Variants in WRN observed in about 807,000 individuals in gnomAD.
WRN encodes WRN RecQ like helicase.
In WRN, 149 loss-of-function variants were observed where a neutral mutation model predicts 180.7. The ratio of observed to expected loss-of-function variants is 0.82; its 90% confidence interval spans 0.72 to 0.94. The LOEUF (loss-of-function observed/expected upper bound fraction) is 0.94. WRN is among the 40% of genes least tolerant of loss of function. The pLI is 0.00. For synonymous variants in WRN, 548 were observed against 568.9 expected, an observed-to-expected ratio of 0.96 and a Z score of 0.52; for missense variants, 1,661 against 1,700.1, an observed-to-expected ratio of 0.98 and a Z score of 0.40.
At chr8:31,122,548 G>A (rs78525392) in intron 21 of WRN, among the ~76,000 whole-genome samples, 2,255 of 151,996 alleles carry the variant, frequency 0.015, 60 homozygotes, top group African/African-American at 0.05. Context: ...CAAAGTTATT[G>A]TAATCTTTTT....
chr8:31,048,759 T>C (rs1811968968), intron 1 of WRN, among the ~76,000 whole-genome samples: 1 of 152,220 alleles, frequency 6.6e-6, no homozygotes, highest in Admixed American at 6.5e-5. Context: ...AAGATTCTAA[T>C]GAAAATTAGG....
At chr8:31,129,865 C>T (rs887813633) in intron 23 of WRN, among the ~76,000 whole-genome samples, 80 of 151,688 alleles carry the variant, frequency 5.3e-4, no homozygotes, top group African/African-American at 1.6e-3. Context: ...ATCAGCTGGG[C>T]GTGGTGGCAC....
intron 14 of WRN, 25 bp from the exon 15 acceptor site, chr8:31,090,808 TA>T: frequency 3.2e-6 from 5 of 1,551,178 alleles, no homozygotes; most frequent in Non-Finnish European, 4.4e-6. Context: ...TTTTTCATTT[TA>T]TTTTTATATT....
At position 31,141,482 on chromosome 8, in the gene WRN, G is replaced by T; in HGVS notation, c.3020G>T (p.Gly1007Val). 1 of 1,614,106 alleles carries T rather than the reference G, an allele frequency of 6.2e-7. No individual in the cohort carries two copies. The change falls in exon 25 of 35, where the codon GGC becomes GTC. Residue 1007 changes from glycine to valine, a missense_variant. Around this residue, in one of 3 missense-constraint regions of WRN, gnomAD observed 1,141 missense variants for 1,149.4 expected, o/e 0.99. Coordinates refer to ENST00000298139, the MANE Select transcript of WRN (RefSeq NM_000553.6). ...CGCAGGCACAGTTTATTTGGCACTGGCAAGGATCAAACAGAGAGTTGGTGG... is the reference window on the plus strand; with the variant it reads ...CGCAGGCACAGTTTATTTGGCACTGTCAAGGATCAAACAGAGAGTTGGTGG... ...QYRRHSLFGTGKDQTESWWKA... is the reference protein window; with the variant it reads ...QYRRHSLFGTVKDQTESWWKA...
rs1813526732 is a variant in WRN at position 31,086,254 on chromosome 8, C to A, written c.1431+1008C>A. On this transcript the variant is annotated intron_variant, in intron 11 of 34. Coordinates refer to ENST00000298139, the MANE Select transcript of WRN (RefSeq NM_000553.6). ...TTTATTGACTTTTTTAGTTTTGAGG[C>A]CAAGTAATGAGTAGTGAGTAAGAAT... is the stretch of plus-strand genomic sequence containing the variant. Among the ~76,000 whole-genome samples, 4 of 151,632 alleles carry A rather than the reference C, an allele frequency of 2.6e-5. No homozygotes were observed. The East Asian group carries it at 7.7e-4, about 29-fold the overall frequency.
chr8:31,120,097 G>C (rs1801665187), intron 20 of WRN, 146 bp from the exon 21 acceptor site: 1 of 911,150 alleles, frequency 1.1e-6, no homozygotes, highest in Non-Finnish European at 1.7e-6. Context: ...CAGATAATCT[G>C]TAAATGATTG....
chr8:31,059,002 A>T, intron 2 of WRN, 151 bp from the exon 3 acceptor site: 2 of 695,006 alleles, frequency 2.9e-6, no homozygotes, highest in Admixed American at 2.3e-5. Context: ...TTTCTTTGTT[A>T]AGTTTTCTTT....
At chr8:31,037,012 G>A (rs759413299) in intron 1 of WRN, among the ~76,000 whole-genome samples, 11 of 152,176 alleles carry the variant, frequency 7.2e-5, no homozygotes, top group Non-Finnish European at 1.0e-4. Context: ...GGAGGGGATG[G>A]TTTCAGGATA....
chr8:31,108,475 T>A lies in WRN; in HGVS notation c.2089-3140T>A, dbSNP rs3213199. ...ATCATTAATTTTTATTTATTTATTTTTTTTTCCAGTTTTGGAATTCTTATT... is the reference window on the plus strand; with the variant it reads ...ATCATTAATTTTTATTTATTTATTTATTTTTCCAGTTTTGGAATTCTTATT... On this transcript the variant is annotated intron_variant, in intron 18 of 34. Transcript: ENST00000298139. 0.13 allele frequency among the ~76,000 whole-genome samples: 19,214 copies of A among 151,670 alleles called. 1,507 individuals are homozygous for A. Among genetic ancestry groups the A allele is most frequent in the South Asian group, 0.17 (833 of 4,820 alleles).
chr8:31,099,514 C>T (rs190555497), intron 17 of WRN, among the ~76,000 whole-genome samples: 3 of 150,938 alleles, frequency 2.0e-5, no homozygotes, highest in Admixed American at 2.0e-4. Context: ...AATTTTGATA[C>T]AAATAACTGA....
chr8:31,042,353 A>G (rs1349431052), intron 1 of WRN, among the ~76,000 whole-genome samples: 1 of 152,180 alleles, frequency 6.6e-6, no homozygotes, highest in Non-Finnish European at 1.5e-5. Flanking sequence ...TAGGATATAG[A>G]TATTAATGGC....
intron 30 of WRN, among the ~76,000 whole-genome samples, chr8:31,148,507 C>T (rs1802956194): frequency 6.6e-6 from 1 of 152,142 alleles, no homozygotes; most frequent in Admixed American, 6.5e-5. Flanking sequence ...GTTTATCTTA[C>T]CTGGATTGTT....
intron 34 of WRN, among the ~76,000 whole-genome samples, chr8:31,168,752 T>C (rs2130519564): frequency 6.6e-6 from 1 of 152,328 alleles, no homozygotes; most frequent in African/African-American, 2.4e-5. Context: ...ACATTCATCT[T>C]CTCTACTGAC....
intron 7 of WRN, among the ~76,000 whole-genome samples, chr8:31,072,609 A>G (rs1812952786): frequency 6.6e-6 from 1 of 152,202 alleles, no homozygotes; most frequent in Non-Finnish European, 1.5e-5. Context: ...CTCGGGTTTC[A>G]GGCCTCTGCA....
At chr8:31,114,441 G>A (rs1399815721) in intron 19 of WRN, among the ~76,000 whole-genome samples, 1 of 151,970 alleles carries the variant, frequency 6.6e-6, no homozygotes, top group Non-Finnish European at 1.5e-5. Flanking sequence ...CAAAATAATG[G>A]CTCCTTTTGT....
chr8:31,096,552 T>C (rs955821512), intron 16 of WRN, among the ~76,000 whole-genome samples: 3 of 152,186 alleles, frequency 2.0e-5, no homozygotes, highest in African/African-American at 7.2e-5. Flanking sequence ...CTGTAGTCTT[T>C]AGTGAGTCTT....
At chr8:31,055,432 C>T (rs1044450387) in intron 1 of WRN, among the ~76,000 whole-genome samples, 7 of 152,090 alleles carry the variant, frequency 4.6e-5, no homozygotes, top group South Asian at 2.1e-4. Flanking sequence ...TTTTAATAAA[C>T]GCCATTCTGA....
chr8:31,154,879 T>G lies in WRN; in HGVS notation c.3819+124T>G, dbSNP rs185443118. On this transcript the variant is annotated intron_variant, in intron 32 of 34. Coordinates refer to ENST00000298139, the MANE Select transcript of WRN (RefSeq NM_000553.6). ...CCTCCAACCCTACAATAAATCTCAG[T>G]TTATCTTTAATTTTAAAAGAGAATG... is the stretch of plus-strand genomic sequence containing the variant. The G allele has an allele frequency of 4.0e-6, 5 of 1,235,514 alleles. No homozygotes were observed. In the African/African-American group the frequency reaches 4.6e-5, roughly 11 times the overall value. 76.5% of individuals were successfully genotyped at this position (1,235,514 alleles called of 1,614,324 possible).
At position 31,066,993 on chromosome 8, in the gene WRN, A is replaced by G. The variant is rs574086493; in HGVS notation, c.505-40A>G. On this transcript the variant is annotated intron_variant, in intron 5 of 34. Transcript: ENST00000298139. ...ATATCATTTGGTAATACCTGAAAAC[A>G]GGAACTGATTTTACTGTGTTGCTTT... is the stretch of plus-strand genomic sequence containing the variant. 5.1e-5 allele frequency: 82 copies of G among 1,611,386 alleles called. 2 individuals are homozygous for G. The South Asian group carries it at 7.7e-4, about 15-fold the overall frequency.
Sources: allele counts gnomAD v4.1 joint callset (sites outside exome capture counted in the v4.1 genomes callset), GRCh38; gene constraint gnomAD v4.1.1; regional missense constraint gnomAD v4.1.1; transcripts MANE v1.5; gene names NCBI Gene and HGNC (gene_info 2026-07-23, HGNC 2026-07-21).